Variants in SKIL observed in about 807,000 individuals in gnomAD.
SKIL encodes ski-like protein.
SKIL carries 20 observed loss-of-function variants against 69.6 expected under a neutral mutation model. That is an observed-to-expected ratio of 0.29 (90% CI 0.20 to 0.42). The LOEUF is 0.42. SKIL is among the 10% of genes least tolerant of loss of function. The pLI, the probability that SKIL is intolerant of heterozygous loss-of-function variation, is 1.00. For missense variants in SKIL, 745 were observed against 783.1 expected, an observed-to-expected ratio of 0.95 and a Z score of 0.58; for synonymous variants, 310 against 279.9, an observed-to-expected ratio of 1.11 and a Z score of -1.08.
chr3:170,369,964 C>T (rs555290668), intron 2 of SKIL, among the ~76,000 whole-genome samples: 3 of 152,064 alleles, frequency 2.0e-5, no homozygotes, highest in Admixed American at 6.6e-5. Flanking sequence ...TCCGGCTGCG[C>T]GCGGTGGCTC....
intron 2 of SKIL, among the ~76,000 whole-genome samples, chr3:170,361,938 ATC>A (rs1348613365): frequency 4.6e-5 from 7 of 151,914 alleles, no homozygotes; most frequent in Non-Finnish European, 1.0e-4. Flanking sequence ...TGACCACTAC[ATC>A]TGTTGTTTTT....
chr3:170,359,388 G>C (rs1353099981), intron 1 of SKIL, among the ~76,000 whole-genome samples: 1 of 152,096 alleles, frequency 6.6e-6, no homozygotes, highest in African/African-American at 2.4e-5. Context: ...CTGAGGTCAG[G>C]AGTTCAAGAC....
At chr3:170,359,350 C>CT (rs1450954319) in intron 1 of SKIL, among the ~76,000 whole-genome samples, 1 of 152,146 alleles carries the variant, frequency 6.6e-6, no homozygotes, top group Non-Finnish European at 1.5e-5. Context: ...AATTCCAGCA[C>CT]TTTGGGAGGC....
At chr3:170,358,400 C>G (rs1005300263) in intron 1 of SKIL, 1 of 152,374 alleles carries the variant, frequency 6.6e-6, no homozygotes, top group African/African-American at 2.4e-5. Context: ...CTTTACTTCC[C>G]TCCACCCCCT....
chr3:170,360,359 T>G lies in SKIL; in HGVS notation c.28T>G (p.Leu10Val), dbSNP rs552737000. 42 of 1,567,994 alleles carry G rather than the reference T, an allele frequency of 2.7e-5. No homozygotes were observed. The South Asian group carries it at 4.9e-4, about 18-fold the overall frequency. Residue 10 changes from leucine (L) to valine (V), a missense_variant, in exon 2 of 7, where the codon TTG becomes GTG. Coordinates refer to ENST00000259119, the MANE Select transcript of SKIL (RefSeq NM_005414.5). Reference protein sequence around the residue: MENLQTNFSLVQGSTKKLNG... With the variant: MENLQTNFSVVQGSTKKLNG... Reference sequence around the variant, plus strand: ...GGAAAACCTCCAGACAAATTTCTCCTTGGTTCAGGGCTCAACTAAAAAACT... The same window carrying G: ...GGAAAACCTCCAGACAAATTTCTCCGTGGTTCAGGGCTCAACTAAAAAACT...
Position 170,396,207 on chromosome 3 carries a change from A to T in SKIL, c.*3790A>T, listed in dbSNP as rs1463895638. On this transcript the variant is annotated 3_prime_UTR_variant, in exon 7 of 7. Transcript: ENST00000259119. ...ATAGTGTATTAAATTAGTTTAATGTAAAAGGAATTTATAAGATTTTTTTCC... is the reference window on the plus strand; with the variant it reads ...ATAGTGTATTAAATTAGTTTAATGTTAAAGGAATTTATAAGATTTTTTTCC... The T allele has an allele frequency of 6.6e-6, 1 of 152,104 alleles. No individual in the cohort carries two copies. The highest frequency in any genetic ancestry group is 2.4e-5 in the African/African-American group (1 of 41,454). 9.4% of individuals were successfully genotyped at this position (152,104 alleles called of 1,614,324 possible).
intron 4 of SKIL, 23 bp downstream of exon 4, chr3:170,384,788 T>A (rs772831192): frequency 8.0e-7 from 1 of 1,255,456 alleles, no homozygotes; most frequent in Non-Finnish European, 1.1e-6. Context: ...AGATTATCTT[T>A]CTAAAATTAA....
At position 170,391,065 on chromosome 3, in the gene SKIL, T is replaced by A; in HGVS notation, c.1701T>A (p.Ser567=). Residue 567 remains serine (S), a synonymous_variant, in exon 6 of 7, where the codon TCT becomes TCA. Coordinates refer to ENST00000259119, the MANE Select transcript of SKIL (RefSeq NM_005414.5). Reference sequence around the variant, plus strand: ...TAAAAATGTTGAGTAGTTCAAAATCTATGAAGGAACTCACTGAAGAACAGC... The same window carrying A: ...TAAAAATGTTGAGTAGTTCAAAATCAATGAAGGAACTCACTGAAGAACAGC... ...MEVKMLSSSK[S]MKELTEEQQN... 6.3e-7 allele frequency: 1 copy of A among 1,593,138 alleles called. No individual in the cohort carries two copies.
intron 2 of SKIL, among the ~76,000 whole-genome samples, chr3:170,376,402 G>A (rs13067560): frequency 0.77 from 116,916 of 151,978 alleles, 45,754 homozygotes; most frequent in East Asian, 0.94. Flanking sequence ...CTCGTTCATT[G>A]ACACCTCTTT....
At chr3:170,381,929 A>G (rs1737375145) in intron 3 of SKIL, among the ~76,000 whole-genome samples, 1 of 151,842 alleles carries the variant, frequency 6.6e-6, no homozygotes, top group Non-Finnish European at 1.5e-5. Context: ...AAAATGCAAA[A>G]AAATTAGCCG....
chr3:170,377,936 C>T (rs556760201), intron 2 of SKIL, among the ~76,000 whole-genome samples: 284 of 151,952 alleles, frequency 1.9e-3, no homozygotes, highest in African/African-American at 6.6e-3. Flanking sequence ...CTCTGTCACC[C>T]AGGCTGGAGT....
intron 2 of SKIL, among the ~76,000 whole-genome samples, chr3:170,363,396 T>G (rs1214012512): frequency 1.3e-5 from 2 of 152,222 alleles, no homozygotes; most frequent in Non-Finnish European, 2.9e-5. Flanking sequence ...TATGGTAGTT[T>G]GCTGCTTGCT....
In SKIL at chr3:170,395,327, T is replaced by C. The variant is rs1577455002; in HGVS notation, c.*2910T>C. Reference sequence around the variant, plus strand: ...TTTGCTGTGTGCTTTAGTTTTTGTTTAAGCATATTCTTTTGCTTGAATTTC... The same window carrying C: ...TTTGCTGTGTGCTTTAGTTTTTGTTCAAGCATATTCTTTTGCTTGAATTTC... On this transcript the variant is annotated 3_prime_UTR_variant, in exon 7 of 7. Transcript: ENST00000259119. The C allele has an allele frequency of 1.3e-5, 2 of 152,146 alleles. No homozygotes were observed. Among genetic ancestry groups the C allele is most frequent in the African/African-American group, 4.8e-5 (2 of 41,462 alleles). 9.4% of individuals were successfully genotyped at this position (152,146 alleles called of 1,614,324 possible).
At chr3:170,380,651 A>AT (rs1230229368) in intron 2 of SKIL, among the ~76,000 whole-genome samples, 38 of 151,474 alleles carry the variant, frequency 2.5e-4, no homozygotes, top group African/African-American at 4.9e-4. Context: ...TCAAAAAAAA[A>AT]AAAAAAATAA....
chr3:170,360,304 A>T lies in SKIL; in HGVS notation c.-28A>T, dbSNP rs370098001. On this transcript the variant is annotated 5_prime_UTR_variant, in exon 2 of 7. Transcript: ENST00000259119. ...AACTAAATAGAAATGCTAATCTCAG[A>T]CTTAATTATTTAACAGAAGAGTGTA... is the stretch of plus-strand genomic sequence containing the variant. 15 of 1,515,356 alleles carry T rather than the reference A, an allele frequency of 9.9e-6. No homozygotes were observed. The highest frequency in any genetic ancestry group is 1.4e-5 in the South Asian group (1 of 73,408). 93.9% of individuals were successfully genotyped at this position (1,515,356 alleles called of 1,614,324 possible). A position where few individuals can be genotyped will look rare whatever the true frequency, so the allele number is the denominator to read the frequency against.
At chr3:170,379,332 T>A (rs1737206742) in intron 2 of SKIL, among the ~76,000 whole-genome samples, 1 of 152,138 alleles carries the variant, frequency 6.6e-6, no homozygotes, top group Non-Finnish European at 1.5e-5. Flanking sequence ...TTTTTTGTTT[T>A]TTCCCTTGTT....
intron 2 of SKIL, among the ~76,000 whole-genome samples, chr3:170,377,158 T>C (rs1737069413): frequency 6.6e-6 from 1 of 152,164 alleles, no homozygotes; most frequent in African/African-American, 2.4e-5. Flanking sequence ...TGTAAATAAG[T>C]GATCAGTTTG....
intron 3 of SKIL, among the ~76,000 whole-genome samples, chr3:170,381,749 A>T (rs960678469): frequency 6.6e-6 from 1 of 151,452 alleles, no homozygotes; most frequent in African/African-American, 2.4e-5. Flanking sequence ...TTATTTCTTT[A>T]TTTTCAGGCT....
chr3:170,374,789 A>G (rs1316197868), intron 2 of SKIL, among the ~76,000 whole-genome samples: 1 of 152,176 alleles, frequency 6.6e-6, no homozygotes, highest in Non-Finnish European at 1.5e-5. Flanking sequence ...AGCTTGCAAC[A>G]TTTTATCATG....
Sources: allele counts gnomAD v4.1 joint callset (sites outside exome capture counted in the v4.1 genomes callset), GRCh38; gene constraint gnomAD v4.1.1; transcripts MANE v1.5; gene names NCBI Gene and HGNC (gene_info 2026-07-23, HGNC 2026-07-21).